The following RCAN2 variants were observed in gnomAD, a reference collection of about 807,000 sequenced individuals.
The protein encoded by RCAN2 is regulator of calcineurin 2, also known as calcipressin-2.
In RCAN2, 9 loss-of-function variants were observed where a neutral mutation model predicts 23.6. The observed-to-expected ratio is 0.38, with a 90% CI of 0.23 to 0.67. The LOEUF is 0.67. Ranked by LOEUF, RCAN2 falls within the 30% of genes least tolerant of loss-of-function variation. The pLI is 0.51. For synonymous variants in RCAN2, 109 were observed against 115.7 expected, an observed-to-expected ratio of 0.94 and a Z score of 0.37; for missense variants, 273 against 302.3, an observed-to-expected ratio of 0.90 and a Z score of 0.72.
At chr6:46,232,142 A>G (rs1279593602) in intron 4 of RCAN2, among the ~76,000 whole-genome samples, 2 of 152,246 alleles carry the variant, frequency 1.3e-5, no homozygotes, top group Non-Finnish European at 2.9e-5. Context: ...CTGCCTGATC[A>G]CTTTGCTATC....
At chr6:46,411,849 TTAGAGA>T (rs890333586) in intron 2 of RCAN2, among the ~76,000 whole-genome samples, 2 of 152,024 alleles carry the variant, frequency 1.3e-5, no homozygotes, top group Non-Finnish European at 1.5e-5. Context: ...AGGAGAATGG[TTAGAGA>T]TAAAGTCTGA....
At chr6:46,228,864 T>C (rs1765774528) in intron 4 of RCAN2, among the ~76,000 whole-genome samples, 1 of 152,242 alleles carries the variant, frequency 6.6e-6, no homozygotes, top group Non-Finnish European at 1.5e-5. Context: ...CTTCCTAGCA[T>C]CGATGGTCTT....
At chr6:46,296,015 G>C (rs770370396) in intron 2 of RCAN2, among the ~76,000 whole-genome samples, 37 of 151,346 alleles carry the variant, frequency 2.4e-4, no homozygotes, top group Non-Finnish European at 4.7e-4. Flanking sequence ...TTTATGCAGT[G>C]GTTAAGAATG....
At chr6:46,265,229 C>T (rs927911196) in intron 2 of RCAN2, among the ~76,000 whole-genome samples, 1 of 152,180 alleles carries the variant, frequency 6.6e-6, no homozygotes, top group Non-Finnish European at 1.5e-5. Flanking sequence ...AGATTAGAAG[C>T]ACCTGAAAAT....
At chr6:46,434,788 T>A (rs1767320890) in intron 2 of RCAN2, among the ~76,000 whole-genome samples, 1 of 152,184 alleles carries the variant, frequency 6.6e-6, no homozygotes, top group Non-Finnish European at 1.5e-5. Context: ...CATCTGGCAA[T>A]GTCTGGGGCC....
At chr6:46,421,701 T>C (rs895792049) in intron 2 of RCAN2, among the ~76,000 whole-genome samples, 2 of 152,154 alleles carry the variant, frequency 1.3e-5, no homozygotes, top group Non-Finnish European at 2.9e-5. Context: ...TAGTTTAGCA[T>C]GTTATATTGG....
At chr6:46,297,663 C>G (rs917687819) in intron 2 of RCAN2, among the ~76,000 whole-genome samples, 1 of 152,120 alleles carries the variant, frequency 6.6e-6, no homozygotes, top group Non-Finnish European at 1.5e-5. Context: ...ACATTTATTA[C>G]TACAGGTCTA....
At chr6:46,353,964 G>A (rs966414956) in intron 2 of RCAN2, among the ~76,000 whole-genome samples, 5 of 151,990 alleles carry the variant, frequency 3.3e-5, no homozygotes, top group African/African-American at 1.2e-4. Context: ...CTTTAATTCT[G>A]GGAGTCATAA....
intron 2 of RCAN2, among the ~76,000 whole-genome samples, chr6:46,362,750 T>C (rs982427651): frequency 3.9e-5 from 6 of 152,164 alleles, no homozygotes; most frequent in African/African-American, 1.4e-4. Context: ...ACAAGTTACT[T>C]TGCAGCAATT....
At chr6:46,451,576 G>A (rs1158465613) in intron 2 of RCAN2, among the ~76,000 whole-genome samples, 3 of 152,156 alleles carry the variant, frequency 2.0e-5, no homozygotes, top group Non-Finnish European at 4.4e-5. Flanking sequence ...ACTAGAGTGA[G>A]GGGAACTCAG....
intron 2 of RCAN2, among the ~76,000 whole-genome samples, chr6:46,300,064 A>G (rs1762857021): frequency 6.6e-6 from 1 of 151,890 alleles, no homozygotes; most frequent in African/African-American, 2.4e-5. Context: ...AGCAATTTAA[A>G]AGAAGCCAAA....
intron 2 of RCAN2, among the ~76,000 whole-genome samples, chr6:46,288,884 C>T (rs1376820587): frequency 6.6e-6 from 1 of 152,224 alleles, no homozygotes; most frequent in African/African-American, 2.4e-5. Flanking sequence ...AGTACAACAC[C>T]CAACAGGGAG....
intron 2 of RCAN2, among the ~76,000 whole-genome samples, chr6:46,303,433 T>C (rs997602961): frequency 6.6e-6 from 1 of 152,086 alleles, no homozygotes; most frequent in Non-Finnish European, 1.5e-5. Flanking sequence ...CTATGCCTAA[T>C]GTAATAATTT....
At chr6:46,249,480 A>C (rs1261330623) in intron 2 of RCAN2, among the ~76,000 whole-genome samples, 1 of 150,776 alleles carries the variant, frequency 6.6e-6, no homozygotes, top group Non-Finnish European at 1.5e-5. Flanking sequence ...CACCACACCC[A>C]GCTAATTTTT....
chr6:46,426,177 G>T (rs1202198473), intron 2 of RCAN2, among the ~76,000 whole-genome samples: 1 of 152,014 alleles, frequency 6.6e-6, no homozygotes, highest in Non-Finnish European at 1.5e-5. Flanking sequence ...GGGATTACAG[G>T]CATGAGCCAC....
At chr6:46,403,805 A>G (rs934196910) in intron 2 of RCAN2, among the ~76,000 whole-genome samples, 17 of 152,226 alleles carry the variant, frequency 1.1e-4, no homozygotes, top group African/African-American at 4.1e-4. Context: ...TACAAAAAAA[A>G]GTTTTATAAA....
In RCAN2 at chr6:46,223,135, G is replaced by C; in HGVS notation, c.*6C>G. On this transcript the variant is annotated 3_prime_UTR_variant, in exon 5 of 5. Transcript: ENST00000371374. ...AGACGGCTATTATCGAGAAGGAGCA[G>C]GCAGCTCAGTTGGACACGGAGGGTG... is the stretch of plus-strand genomic sequence containing the variant. 1 of 1,612,912 alleles carries C rather than the reference G, an allele frequency of 6.2e-7. No individual in the cohort carries two copies. Among genetic ancestry groups the C allele is most frequent in the Non-Finnish European group, 8.5e-7 (1 of 1,179,884 alleles).
At chr6:46,416,294 G>C in intron 2 of RCAN2, among the ~76,000 whole-genome samples, 1 of 150,326 alleles carries the variant, frequency 6.7e-6, no homozygotes, top group East Asian at 2.0e-4. Context: ...CTCTAAGCAA[G>C]CAATTCCAAT....
Position 46,439,740 on chromosome 6 carries a change from C to T in RCAN2, c.225+17012G>A, listed in dbSNP as rs554028190. Among the ~76,000 whole-genome samples the T allele has an allele frequency of 3.9e-5, 6 of 152,222 alleles. 1 individual carries two copies. In the South Asian group the frequency reaches 1.2e-3, roughly 32 times the overall value. ...ACCAAATGTATACTCACTTTCTCCTCCTCCTTCTAAATTATCATGTCCCTA... is the reference window on the plus strand; with the variant it reads ...ACCAAATGTATACTCACTTTCTCCTTCTCCTTCTAAATTATCATGTCCCTA... On this transcript the variant is annotated intron_variant, in intron 2 of 4. Transcript: ENST00000371374.
Sources: allele counts gnomAD v4.1 joint callset (sites outside exome capture counted in the v4.1 genomes callset), GRCh38; gene constraint gnomAD v4.1.1; transcripts MANE v1.5; gene names NCBI Gene and HGNC (gene_info 2026-07-23, HGNC 2026-07-21).